Variants in GANC observed in about 807,000 individuals in gnomAD.
GANC encodes the protein glucosidase alpha, neutral C, also known as neutral alpha-glucosidase C.
A neutral mutation model predicts 124.2 loss-of-function variants in GANC; 117 were observed. The ratio of observed to expected loss-of-function variants is 0.94; its 90% confidence interval spans 0.81 to 1.10. GANC has a LOEUF of 1.10. Among genes scored for constraint, GANC ranks in the 50% least tolerant of loss-of-function variants. GANC has a pLI of 0.00. For synonymous variants in GANC, 377 were observed against 376.8 expected (o/e 1.00, Z -0.01); for missense variants, 1,140 against 1,095.0 (o/e 1.04, Z -0.58).
chr15:42,350,657 A>G (rs1039128657), intron 22 of GANC, among the ~76,000 whole-genome samples: 19 of 150,702 alleles, frequency 1.3e-4, no homozygotes, highest in African/African-American at 4.4e-4. Context: ...GGTTCAAGCA[A>G]TTCTCCTGCC....
At chr15:42,295,617 GA>G (rs1395279565) in intron 5 of GANC, among the ~76,000 whole-genome samples, 2 of 136,782 alleles carry the variant, frequency 1.5e-5, no homozygotes, top group Non-Finnish European at 3.1e-5. Flanking sequence ...AGCAACACAA[GA>G]AGAAAAAAAG....
rs1868343532 is a variant in GANC, at chr15:42,287,705, T to C, written c.216T>C (p.Ala72=). Residue 72 remains alanine, a synonymous_variant, in exon 4 of 24, where the codon GCT becomes GCC. Transcript: ENST00000318010. ...TCTGTTTCCAGGTTCCTCTCCTGGC[T>C]GAAATTTATGGTATAGAAGGAAACA... is the stretch of plus-strand genomic sequence containing the variant. ...INEASKVPLL[A]EIYGIEGNIF... is the part of the protein sequence containing the mutation. The C allele has an allele frequency of 1.2e-6, 2 of 1,611,616 alleles. No individual in the cohort carries two copies.
chr15:42,283,593 G>A (rs931379692), intron 3 of GANC: 83 of 699,298 alleles, frequency 1.2e-4, no homozygotes, highest in Admixed American at 2.6e-4. Flanking sequence ...TTGGCAACAC[G>A]TTTATTTTCT....
chr15:42,274,383 T>C lies in GANC; in HGVS notation c.-99T>C, dbSNP rs2051630705. On this transcript the variant is annotated 5_prime_UTR_variant, in exon 1 of 24. Coordinates refer to ENST00000318010, the MANE Select transcript of GANC (RefSeq NM_198141.3). ...TCCCAGAAACTTGACGATGAAGTAC[T>C]GGTTGTAATTTTAGAAAGACACCCA... 1.6e-6 allele frequency: 2 copies of C among 1,244,194 alleles called. No homozygotes were observed. The highest frequency in any genetic ancestry group is 2.3e-6 in the Non-Finnish European group (2 of 872,026). The allele number at this position is 1,244,194 out of a possible 1,614,324, so 77.1% of individuals were successfully genotyped here.
chr15:42,273,481 G>T lies in GANC; in HGVS notation c.-1001G>T. ...CTTCTTCCGGCTCTGCTCTAAGGGC[G>T]GGATTATCCGGGTCCTGGAAACGTC... On this transcript the variant is annotated 5_prime_UTR_variant, in exon 1 of 24. Coordinates refer to ENST00000318010, the MANE Select transcript of GANC (RefSeq NM_198141.3). 1.3e-6 allele frequency: 2 copies of T among 1,572,610 alleles called. No individual in the cohort carries two copies. Among genetic ancestry groups the T allele is most frequent in the Admixed American group, 3.5e-5 (2 of 56,566 alleles).
chr15:42,325,475 C>T (rs2052191770), intron 11 of GANC, among the ~76,000 whole-genome samples: 1 of 152,156 alleles, frequency 6.6e-6, no homozygotes, highest in Admixed American at 6.5e-5. Flanking sequence ...AGCGCTGTGG[C>T]TTACAACTTT....
intron 5 of GANC, among the ~76,000 whole-genome samples, chr15:42,296,482 T>C (rs1047604330): frequency 3.9e-5 from 6 of 152,124 alleles, no homozygotes; most frequent in East Asian, 1.9e-4. Flanking sequence ...CGCCTCCCAA[T>C]TGCAGGTTCA....
chr15:42,340,489 AGCTACTTGGGAG>A (rs2052321015), intron 17 of GANC, among the ~76,000 whole-genome samples, 189 bp from the exon 18 acceptor site: 1 of 151,942 alleles, frequency 6.6e-6, no homozygotes, highest in Non-Finnish European at 1.5e-5. Context: ...CTGTAATCCC[AGCTACTTGGGAG>A]ACCGAGGCAG....
chr15:42,340,119 T>G (rs1226258494), intron 17 of GANC, among the ~76,000 whole-genome samples: 5 of 152,154 alleles, frequency 3.3e-5, no homozygotes, highest in African/African-American at 1.2e-4. Flanking sequence ...TGCTACTGCT[T>G]TGTGACTAAA....
chr15:42,290,523 G>A (rs980823409), intron 4 of GANC, among the ~76,000 whole-genome samples: 1 of 152,180 alleles, frequency 6.6e-6, no homozygotes, highest in Non-Finnish European at 1.5e-5. Context: ...AAATTGAATA[G>A]CAGGCTGAGT....
intron 4 of GANC, among the ~76,000 whole-genome samples, chr15:42,290,003 T>C (rs567561432): frequency 6.6e-6 from 1 of 152,276 alleles, no homozygotes; most frequent in South Asian, 2.1e-4. Context: ...AAACTCAACT[T>C]TCTGACACCT....
At chr15:42,294,243 C>A (rs948617065) in intron 5 of GANC, among the ~76,000 whole-genome samples, 1 of 151,276 alleles carries the variant, frequency 6.6e-6, no homozygotes, top group Admixed American at 6.6e-5. Context: ...TCTCCTTCCC[C>A]CTGTGTCCTC....
chr15:42,310,245 A>G (rs755257647), intron 8 of GANC, 38 bp from the exon 9 acceptor site: 1 of 1,432,098 alleles, frequency 7.0e-7, no homozygotes. Context: ...TTAATAATAT[A>G]TTTGTGATGG....
intron 8 of GANC, among the ~76,000 whole-genome samples, chr15:42,309,782 G>A (rs1017509734): frequency 6.6e-6 from 1 of 151,844 alleles, no homozygotes; most frequent in Non-Finnish European, 1.5e-5. Context: ...ACTTTGGGAG[G>A]CCGAGGTGGG....
chr15:42,343,077 G>A lies in GANC; in HGVS notation c.2153-1G>A. 3.7e-6 allele frequency: 6 copies of A among 1,612,786 alleles called. No homozygotes were observed. The highest frequency in any genetic ancestry group is 4.2e-6 in the Non-Finnish European group (5 of 1,178,842). The stretch of plus-strand genomic sequence containing the variant: ...AACTTTATTTCCTCTCCATTACTTA[G>A]GGAGTGCATTATTGGTTCATCCAGT... On this transcript the variant is annotated splice_acceptor_variant, in intron 18 of 23. Coordinates refer to ENST00000318010, the MANE Select transcript of GANC (RefSeq NM_198141.3). LOFTEE classifies it high-confidence loss of function.
chr15:42,345,149 T>C (rs890825564), intron 19 of GANC, among the ~76,000 whole-genome samples: 5 of 152,168 alleles, frequency 3.3e-5, no homozygotes, highest in African/African-American at 1.2e-4. Flanking sequence ...AGAGACCTTA[T>C]TGGTACTTCA....
chr15:42,339,546 T>C (rs2052313045), intron 16 of GANC, 123 bp from the exon 17 acceptor site: 1 of 1,176,278 alleles, frequency 8.5e-7, no homozygotes, highest in Non-Finnish European at 1.2e-6. Context: ...GCCACGGCTT[T>C]ATCCTGTCAT....
intron 3 of GANC, among the ~76,000 whole-genome samples, chr15:42,279,472 C>A (rs913559635): frequency 1.3e-5 from 2 of 152,146 alleles, no homozygotes; most frequent in African/African-American, 4.8e-5. Flanking sequence ...CTAGAGGTTA[C>A]CATAGTTTTT....
chr15:42,289,813 G>A (rs2051824338), intron 4 of GANC, among the ~76,000 whole-genome samples: 1 of 152,146 alleles, frequency 6.6e-6, no homozygotes, highest in Non-Finnish European at 1.5e-5. Flanking sequence ...TTTTGAGATA[G>A]GGTCTTTAAA....
Sources: allele counts gnomAD v4.1 joint callset (sites outside exome capture counted in the v4.1 genomes callset), GRCh38; gene constraint gnomAD v4.1.1; transcripts MANE v1.5; gene names NCBI Gene and HGNC (gene_info 2026-07-23, HGNC 2026-07-21).